The following LRCH2 variants were observed in gnomAD, a reference collection of about 807,000 sequenced individuals.
The protein encoded by LRCH2 is leucine-rich repeat and calponin homology domain-containing protein 2.
In LRCH2, 38 loss-of-function variants were observed where a neutral mutation model predicts 68.9. That is an observed-to-expected ratio of 0.55 (90% confidence interval 0.43 to 0.72). The LOEUF (loss-of-function observed/expected upper bound fraction) is 0.72. Among genes scored for constraint, LRCH2 ranks in the 30% least tolerant of loss-of-function variants. The probability of loss-of-function intolerance (pLI) is 0.00; values close to 1 mark genes in which losing one functional copy is unlikely to be tolerated. For synonymous variants in LRCH2, 191 were observed against 208.1 expected (o/e 0.92, Z 0.71); for missense variants, 528 against 572.9 (o/e 0.92, Z 0.80).
intron 14 of LRCH2, among the ~76,000 whole-genome samples, chrX:115,132,578 C>CTA (rs2072255572): frequency 8.9e-6 from 1 of 111,810 alleles, no homozygotes; most frequent in Non-Finnish European, 1.9e-5. Context: ...GGGAAGTGAG[C>CTA]TATATTAGGG....
intron 1 of LRCH2, chrX:115,190,300 C>T (rs1556557033): frequency 4.3e-6 from 5 of 1,151,051 alleles, no homozygotes; most frequent in Admixed American, 5.4e-5. Flanking sequence ...CTACAGGGGT[C>T]GCGACCATGA....
chrX:115,160,400 A>C (rs1015032515), intron 11 of LRCH2, among the ~76,000 whole-genome samples: 12 of 112,132 alleles, frequency 1.1e-4, no homozygotes, highest in African/African-American at 3.9e-4. Context: ...GGAAATCATC[A>C]CTGAACTCAA....
chrX:115,231,227 C>T (rs1281152745), intron 1 of LRCH2, among the ~76,000 whole-genome samples: 1 of 109,598 alleles, frequency 9.1e-6, no homozygotes, highest in African/African-American at 3.4e-5. Flanking sequence ...AACAGTATTC[C>T]ACTGAGTCAT....
intron 6 of LRCH2, 130 bp from the exon 7 acceptor site, chrX:115,166,472 TGAG>T (rs67287023): frequency 0.019 from 8,273 of 440,968 alleles, 537 homozygotes; most frequent in African/African-American, 0.18. Context: ...ATTAGGGACA[TGAG>T]GAGAAAAATA....
At chrX:115,228,880 G>A (rs2073135695) in intron 1 of LRCH2, among the ~76,000 whole-genome samples, 1 of 110,779 alleles carries the variant, frequency 9.0e-6, no homozygotes, top group African/African-American at 3.3e-5. Flanking sequence ...GATCTCTTAT[G>A]TGTACAGTAT....
intron 1 of LRCH2, among the ~76,000 whole-genome samples, chrX:115,220,456 T>C (rs895639816): frequency 8.9e-6 from 1 of 111,917 alleles, no homozygotes; most frequent in African/African-American, 3.2e-5. Flanking sequence ...CTGTTGTGAG[T>C]GCCTTTAAGC....
Position 115,190,018 on chromosome X carries a change from G to A in LRCH2, c.350-1648C>T, listed in dbSNP as rs185173133. ...TGTGTCGGGGCAAGATGGCTACTCA[G>A]GCTTGCAGCCACGGCGCTGGGCCGG... On this transcript the variant is annotated intron_variant, in intron 1 of 20. Coordinates refer to ENST00000317135, the MANE Select transcript of LRCH2 (RefSeq NM_020871.4). 5.1e-3 allele frequency: 5,904 copies of A among 1,159,509 alleles called. 162 individuals carry two copies. In the African/African-American group the frequency reaches 0.092, roughly 18 times the overall value.
intron 12 of LRCH2, among the ~76,000 whole-genome samples, chrX:115,152,369 T>G (rs1355817622): frequency 8.9e-6 from 1 of 112,075 alleles, no homozygotes; most frequent in Non-Finnish European, 1.9e-5. Flanking sequence ...AAGTACACAA[T>G]GTCTGTCATT....
chrX:115,148,428 T>C (rs2147370772), intron 14 of LRCH2, among the ~76,000 whole-genome samples: 1 of 111,992 alleles, frequency 8.9e-6, no homozygotes, highest in Admixed American at 9.5e-5. Flanking sequence ...AAAGGAGAAC[T>C]GGTTTTGTTA....
At chrX:115,225,884 C>T (rs1337117283) in intron 1 of LRCH2, among the ~76,000 whole-genome samples, 1 of 112,044 alleles carries the variant, frequency 8.9e-6, no homozygotes, top group African/African-American at 3.2e-5. Flanking sequence ...TCAAGAAAGA[C>T]TTCATCGAAA....
chrX:115,127,875 T>C (rs1556528607), intron 15 of LRCH2, among the ~76,000 whole-genome samples: 1 of 111,118 alleles, frequency 9.0e-6, no homozygotes, highest in African/African-American at 3.3e-5. Flanking sequence ...GAAGAGCAAG[T>C]TGTGAATTAA....
chrX:115,206,948 T>C (rs1469748265), intron 1 of LRCH2, among the ~76,000 whole-genome samples: 1 of 111,088 alleles, frequency 9.0e-6, no homozygotes, highest in Non-Finnish European at 1.9e-5. Flanking sequence ...TATCTTAATT[T>C]CTTGAACTAT....
At chrX:115,118,675 A>G in intron 20 of LRCH2, among the ~76,000 whole-genome samples, 1 of 111,561 alleles carries the variant, frequency 9.0e-6, no homozygotes, top group Non-Finnish European at 1.9e-5. Flanking sequence ...TGATGAGGCC[A>G]GCATCATCCT....
intron 20 of LRCH2, among the ~76,000 whole-genome samples, chrX:115,120,446 A>T (rs1380245584): frequency 4.6e-5 from 4 of 86,285 alleles, no homozygotes; most frequent in African/African-American, 1.8e-4. Flanking sequence ...GCCATCAGAG[A>T]AATGCAAATC....
intron 6 of LRCH2, 56 bp downstream of exon 6, chrX:115,170,243 T>G (rs6643945): frequency 0.11 from 112,061 of 1,064,471 alleles, 4,350 homozygotes; most frequent in Middle Eastern, 0.12. Flanking sequence ...ATAAGTATAT[T>G]TCATAAAAAG....
At position 115,191,514 on chromosome X, in the gene LRCH2, G is replaced by C. The variant is rs782404623; in HGVS notation, c.350-3144C>G. On this transcript the variant is annotated intron_variant, in intron 1 of 20. Transcript: ENST00000317135. ...GCCGCTCGCCTGATGCCTACAGTGGGGGCCACGACAGTTCCAGCCAGAGCA... is the reference window on the plus strand; with the variant it reads ...GCCGCTCGCCTGATGCCTACAGTGGCGGCCACGACAGTTCCAGCCAGAGCA... 1.0e-3 allele frequency: 1,157 copies of C among 1,148,177 alleles called. 2 individuals carry two copies. The highest frequency in any genetic ancestry group is 1.3e-3 in the Non-Finnish European group (1,088 of 864,683). 94.6% of individuals were successfully genotyped at this position (1,148,177 alleles called of 1,213,427 possible).
intron 5 of LRCH2, among the ~76,000 whole-genome samples, chrX:115,175,486 G>C (rs2072639806): frequency 9.0e-6 from 1 of 111,282 alleles, no homozygotes; most frequent in Admixed American, 9.5e-5. Flanking sequence ...GCCTTGCTAG[G>C]TTTTCCCACT....
At chrX:115,118,695 G>A (rs1193608212) in intron 20 of LRCH2, among the ~76,000 whole-genome samples, 1 of 111,122 alleles carries the variant, frequency 9.0e-6, no homozygotes, top group Non-Finnish European at 1.9e-5. Context: ...TGATACCAAA[G>A]CCGAGCAGAG....
At position 115,197,847 on chromosome X, in the gene LRCH2, T is replaced by TCTCTCTCTCA. The variant is rs782358260; in HGVS notation, c.350-9478_350-9477insTGAGAGAGAG. On this transcript the variant is annotated intron_variant, in intron 1 of 20. Coordinates refer to ENST00000317135, the MANE Select transcript of LRCH2 (RefSeq NM_020871.4). ...CTCTCTCTCTCTCTCTCTCTCTCTC[T>TCTCTCTCTCA]CACACACACACACACACACACACAC... is the stretch of plus-strand genomic sequence containing the variant. Among the ~76,000 whole-genome samples the TCTCTCTCTCA allele has an allele frequency of 3.8e-3, 79 of 20,565 alleles. 2 individuals carry two copies. The highest frequency in any genetic ancestry group is 0.011 in the Admixed American group (10 of 882). The allele number at this position is 20,565 out of a possible 115,157, so 17.9% of individuals were successfully genotyped here.
Sources: gnomAD v4.1 joint callset for allele counts (sites outside exome capture counted in the v4.1 genomes callset) on GRCh38, gnomAD v4.1.1 for gene constraint, MANE v1.5 for transcripts, NCBI Gene and HGNC (gene_info 2026-07-23, HGNC 2026-07-21) for gene names.